CAMKMT: variants seen among roughly 807,000 people sequenced by gnomAD.
CAMKMT encodes the protein calmodulin-lysine N-methyltransferase.
CAMKMT carries 53 observed loss-of-function variants against 48.0 expected under a neutral mutation model. The observed-to-expected ratio is 1.10, with a 90% CI of 0.89 to 1.39. CAMKMT has a LOEUF of 1.39. CAMKMT is among the 40% of genes most tolerant of loss of function. The pLI, the probability that CAMKMT is intolerant of heterozygous loss-of-function variation, is 0.00. For synonymous variants in CAMKMT, 165 were observed against 152.3 expected (o/e 1.08, Z -0.61); for missense variants, 428 against 402.7 (o/e 1.06, Z -0.54).
chr2:44,380,476 C>G (rs1025765634), intron 2 of CAMKMT, among the ~76,000 whole-genome samples: 2 of 151,988 alleles, frequency 1.3e-5, no homozygotes, highest in Non-Finnish European at 2.9e-5. Flanking sequence ...AGAGATCAGA[C>G]AGGACCTAGG....
chr2:44,708,403 C>T (rs1427827044), intron 6 of CAMKMT, among the ~76,000 whole-genome samples: 1 of 151,692 alleles, frequency 6.6e-6, no homozygotes. Flanking sequence ...GCAGCAGCTT[C>T]ATCAAGCTGC....
intron 3 of CAMKMT, among the ~76,000 whole-genome samples, chr2:44,596,475 A>G (rs973212110): frequency 1.3e-5 from 2 of 152,134 alleles, no homozygotes; most frequent in African/African-American, 4.8e-5. Flanking sequence ...AAAAAAAGAA[A>G]AGAAAGAAAA....
intron 3 of CAMKMT, among the ~76,000 whole-genome samples, chr2:44,667,290 G>A (rs115615243): frequency 1.4e-4 from 21 of 152,034 alleles, no homozygotes; most frequent in African/African-American, 4.6e-4. Flanking sequence ...CATCCACCCC[G>A]TGTTTACCTC....
At chr2:44,367,007 G>C (rs1678664929) in intron 1 of CAMKMT, among the ~76,000 whole-genome samples, 1 of 152,126 alleles carries the variant, frequency 6.6e-6, no homozygotes, top group Non-Finnish European at 1.5e-5. Context: ...TTACACGTGT[G>C]AGCCACCATG....
chr2:44,608,852 C>T (rs976262817), intron 3 of CAMKMT, among the ~76,000 whole-genome samples: 2 of 152,014 alleles, frequency 1.3e-5, no homozygotes, highest in African/African-American at 4.8e-5. Context: ...GATTATATTC[C>T]CTTGTGGGTA....
chr2:44,476,288 G>A (rs569820046), intron 3 of CAMKMT, among the ~76,000 whole-genome samples: 1 of 152,010 alleles, frequency 6.6e-6, no homozygotes, highest in Non-Finnish European at 1.5e-5. Flanking sequence ...AGTAGTAGGA[G>A]ATTATTAATT....
chr2:44,694,677 A>G (rs559818093), intron 3 of CAMKMT, among the ~76,000 whole-genome samples: 1 of 152,364 alleles, frequency 6.6e-6, no homozygotes, highest in East Asian at 1.9e-4. Context: ...CTCTTGCTAC[A>G]CAGACAGCTG....
intron 1 of CAMKMT, chr2:44,369,762 C>A (rs1017986445): frequency 6.6e-6 from 1 of 152,228 alleles, no homozygotes; most frequent in Non-Finnish European, 1.5e-5. Context: ...CTCCCTCTCA[C>A]TCTCCATTAA....
Position 44,618,187 on chromosome 2 carries a change from T to C in CAMKMT, c.377-86096T>C, listed in dbSNP as rs1227227270. Among the ~76,000 whole-genome samples the C allele has an allele frequency of 1.3e-5, 2 of 152,232 alleles. No homozygotes were observed. The highest frequency in any genetic ancestry group is 2.1e-4 in the South Asian group (1 of 4,828). ...CCAAGTGCAAGCAGGCAAGCTGTTA[T>C]TGATCAAAGAGGTTTTGTTGGGTAG... On this transcript the variant is annotated intron_variant, in intron 3 of 10. Transcript: ENST00000378494. The surrounding 1 kb of genome is among the most constrained non-coding windows in gnomAD (Gnocchi z 4.0).
intron 3 of CAMKMT, among the ~76,000 whole-genome samples, chr2:44,530,538 A>T (rs1666427301): frequency 6.6e-6 from 1 of 152,288 alleles, no homozygotes; most frequent in African/African-American, 2.4e-5. Context: ...GCTGTGAATG[A>T]TCCTAACAGC....
chr2:44,573,228 A>G (rs1451794741), intron 3 of CAMKMT, among the ~76,000 whole-genome samples: 1 of 151,714 alleles, frequency 6.6e-6, no homozygotes, highest in African/African-American at 2.4e-5. Flanking sequence ...CCATCTGTAT[A>G]TTTTCTTTGG....
intron 8 of CAMKMT, among the ~76,000 whole-genome samples, chr2:44,748,289 G>C (rs891620977): frequency 6.6e-6 from 1 of 152,200 alleles, no homozygotes; most frequent in Non-Finnish European, 1.5e-5. Flanking sequence ...TGGAATGTGT[G>C]CCGTGTGTTA....
chr2:44,537,986 A>G (rs930466540), intron 3 of CAMKMT, among the ~76,000 whole-genome samples: 1 of 152,184 alleles, frequency 6.6e-6, no homozygotes, highest in African/African-American at 2.4e-5. Context: ...TCATATGAAA[A>G]AGGCACATGC....
At chr2:44,759,339 T>C (rs910972922) in intron 9 of CAMKMT, among the ~76,000 whole-genome samples, 1 of 152,190 alleles carries the variant, frequency 6.6e-6, no homozygotes, top group Non-Finnish European at 1.5e-5. Context: ...CAGGCTGGTC[T>C]TGAACTCCTG....
At chr2:44,620,268 C>A (rs1387605391) in intron 3 of CAMKMT, among the ~76,000 whole-genome samples, 1 of 148,328 alleles carries the variant, frequency 6.7e-6, no homozygotes, top group Admixed American at 6.7e-5. Context: ...TCCTTTGATA[C>A]TTTTTTTTTT....
chr2:44,511,925 A>T (rs537924717), intron 3 of CAMKMT, among the ~76,000 whole-genome samples: 1 of 152,276 alleles, frequency 6.6e-6, no homozygotes, highest in Admixed American at 6.5e-5. Flanking sequence ...TTCTAATAGT[A>T]CTGTACTTTG....
chr2:44,685,778 A>G (rs1441582897), intron 3 of CAMKMT, among the ~76,000 whole-genome samples: 4 of 152,194 alleles, frequency 2.6e-5, no homozygotes, highest in Non-Finnish European at 4.4e-5. Flanking sequence ...AATAGGAGCA[A>G]TCAGCATTTC....
intron 1 of CAMKMT, among the ~76,000 whole-genome samples, chr2:44,364,970 G>T (rs1018289367): frequency 1.3e-5 from 2 of 152,142 alleles, no homozygotes; most frequent in Non-Finnish European, 2.9e-5. Context: ...CAAGGGGCAG[G>T]GAAATACAAC....
At chr2:44,592,856 A>G (rs1670388530) in intron 3 of CAMKMT, among the ~76,000 whole-genome samples, 1 of 152,166 alleles carries the variant, frequency 6.6e-6, no homozygotes, top group South Asian at 2.1e-4. Context: ...TAGCTTGGTA[A>G]AGCTTCAACT....
Sources: allele counts gnomAD v4.1 joint callset (sites outside exome capture counted in the v4.1 genomes callset), GRCh38; gene constraint gnomAD v4.1.1; non-coding constraint Gnocchi (gnomAD v3.1); transcripts MANE v1.5; gene names NCBI Gene and HGNC (gene_info 2026-07-23, HGNC 2026-07-21).